OTOA: variants seen among roughly 807,000 people sequenced by gnomAD.
The protein encoded by OTOA is otoancorin.
A neutral mutation model predicts 110.8 loss-of-function variants in OTOA; 70 were observed. The observed-to-expected ratio is 0.63, with a 90% CI of 0.52 to 0.77. The LOEUF (loss-of-function observed/expected upper bound fraction) is 0.77. Among genes scored for constraint, OTOA ranks in the 30% least tolerant of loss-of-function variants. OTOA has a pLI of 0.00. For missense variants in OTOA, 917 were observed against 1,075.8 expected (o/e 0.85, Z 2.06); for synonymous variants, 373 against 431.5 (o/e 0.86, Z 1.68).
intron 1 of OTOA, among the ~76,000 whole-genome samples, chr16:21,668,019 G>A (rs972556333): frequency 6.6e-6 from 1 of 151,972 alleles, no homozygotes; most frequent in Non-Finnish European, 1.5e-5. Context: ...TATAACCACA[G>A]TTTCATTATC....
intron 9 of OTOA, among the ~76,000 whole-genome samples, chr16:21,692,927 C>CAAAAAAAAAAA (rs34170544): frequency 1.0e-5 from 1 of 97,038 alleles, no homozygotes; most frequent in Admixed American, 1.2e-4. Context: ...GACTCTGTCT[C>CAAAAAAAAAAA]AAAAAAAAAA....
At chr16:21,730,190 T>C (rs1230688209) in intron 20 of OTOA, 5 of 153,954 alleles carry the variant, frequency 3.2e-5, no homozygotes, top group African/African-American at 1.2e-4. Context: ...ACTGTAGGCA[T>C]TTATGATCTA....
chr16:21,679,294 G>GT (rs1966871486), intron 5 of OTOA, 83 bp downstream of exon 5: 1 of 1,431,676 alleles, frequency 7.0e-7, no homozygotes, highest in African/African-American at 1.4e-5. Context: ...ATTGTAAAAA[G>GT]TAATATGTGC....
chr16:21,697,736 A>G, intron 9 of OTOA, 39 bp from the exon 10 acceptor site: 2 of 1,559,192 alleles, frequency 1.3e-6, no homozygotes, highest in African/African-American at 1.4e-5. Flanking sequence ...GCTTTTATTT[A>G]TGTATGTACT....
intron 6 of OTOA, chr16:21,684,571 G>A: frequency 6.5e-7 from 1 of 1,537,114 alleles, no homozygotes; most frequent in Non-Finnish European, 8.8e-7. Flanking sequence ...TGGAATGGGG[G>A]AATCGGGCTG....
intron 24 of OTOA, among the ~76,000 whole-genome samples, chr16:21,749,982 G>A (rs1192030174): frequency 6.7e-6 from 1 of 149,346 alleles, no homozygotes; most frequent in East Asian, 2.0e-4. Context: ...ACCGTGCCCA[G>A]CCCAGACTTT....
intron 28 of OTOA, 42 bp from the exon 29 acceptor site, chr16:21,760,428 G>A (rs764083734): frequency 1.7e-5 from 24 of 1,390,012 alleles, no homozygotes; most frequent in Non-Finnish European, 2.0e-5. Context: ...TCTGCTTGCT[G>A]CCAGAACTTC....
chr16:21,677,949 C>A (rs918462623), intron 1 of OTOA, among the ~76,000 whole-genome samples: 1 of 151,758 alleles, frequency 6.6e-6, no homozygotes, highest in Admixed American at 6.6e-5. Flanking sequence ...TGCAGTGGCA[C>A]AATCTTGGCT....
In OTOA at chr16:21,712,682, TA is replaced by T. The variant is rs370244136; in HGVS notation, c.1321-2290del. Among the ~76,000 whole-genome samples the T allele has an allele frequency of 5.2e-4, 76 of 145,214 alleles. No homozygotes were observed. The East Asian group carries it at 5.8e-3, about 11-fold the overall frequency. On this transcript the variant is annotated intron_variant, in intron 13 of 28. Transcript: ENST00000646100. ...GGTGAAACCATGTCTCTACTAAAAA[TA>T]AAAAAAAAAAAATTAGCTGGGCATG...
At chr16:21,728,135 G>C (rs1898982903) in intron 19 of OTOA, 106 bp from the exon 20 acceptor site, 4 of 1,410,850 alleles carry the variant, frequency 2.8e-6, no homozygotes, top group Middle Eastern at 1.8e-4. Flanking sequence ...AGAGTGCTGG[G>C]ATTATAGGCA....
At chr16:21,715,723 G>A (rs1898532685) in intron 14 of OTOA, among the ~76,000 whole-genome samples, 1 of 152,040 alleles carries the variant, frequency 6.6e-6, no homozygotes, top group Admixed American at 6.6e-5. Context: ...TTGCTATGTT[G>A]CCCAGGCTGG....
In OTOA at chr16:21,685,348, A is replaced by G; in HGVS notation, c.386A>G (p.Lys129Arg). The part of the protein sequence containing the change: ...RTAMKCLLED[K>R]KDGLDLKDII... ...GCCATGAAATGCCTCTTAGAAGACA[A>G]GAAGGACGGCTTGGTGAGGAGCCCT... The change falls in exon 7 of 29, where the codon AAG (lysine) becomes AGG (arginine). Residue 129 changes from lysine to arginine, a missense_variant. Coordinates refer to ENST00000646100, the MANE Select transcript of OTOA (RefSeq NM_144672.4). 6.2e-7 allele frequency: 1 copy of G among 1,611,840 alleles called. No homozygotes were observed. Among genetic ancestry groups the G allele is most frequent in the Non-Finnish European group, 8.5e-7 (1 of 1,178,516 alleles).
chr16:21,711,024 A>G (rs1175955007), intron 13 of OTOA, among the ~76,000 whole-genome samples: 3 of 152,010 alleles, frequency 2.0e-5, no homozygotes, highest in Non-Finnish European at 2.9e-5. Context: ...AACAACAACA[A>G]CAACAAATCA....
In OTOA at chr16:21,719,477, CA is replaced by C. The variant is rs1898661792; in HGVS notation, c.1781del (p.Asn594ThrfsTer50). 6.2e-7 allele frequency: 1 copy of C among 1,614,004 alleles called. No individual in the cohort carries two copies. ...TGGCCCATTTCCAGGATTTTCAGAA[CA>C]ACTTCGCCCTGCTTTCACCCTATCA... The part of the protein sequence containing the change: ...FLAHFQDFQN[N>X]FALLSPYQVN... On this transcript the variant is annotated frameshift_variant, in exon 17 of 29. Coordinates refer to ENST00000646100, the MANE Select transcript of OTOA (RefSeq NM_144672.4). LOFTEE classifies it high-confidence loss of function.
In OTOA at chr16:21,687,445, G is replaced by A. The variant is rs1397374053; in HGVS notation, c.432G>A (p.Glu144=). ...DLKDIIIDLG[E]IRERALQSPG... is the part of the protein sequence containing the mutation. ...AAGACATCATCATCGACTTAGGAGAGATTCGAGAACGAGCCTTGCAGAGCC... is the reference window on the plus strand; with the variant it reads ...AAGACATCATCATCGACTTAGGAGAAATTCGAGAACGAGCCTTGCAGAGCC... The change falls in exon 8 of 29, where the codon GAG becomes GAA. Residue 144 remains glutamate (E), a synonymous_variant. Transcript: ENST00000646100. 2.5e-6 allele frequency: 4 copies of A among 1,614,064 alleles called. No homozygotes were observed. Among genetic ancestry groups the A allele is most frequent in the East Asian group, 4.5e-5 (2 of 44,876 alleles).
intron 24 of OTOA, chr16:21,748,791 ATGT>A (rs1276160125): frequency 1.3e-5 from 2 of 152,308 alleles, no homozygotes; most frequent in Non-Finnish European, 2.9e-5. Context: ...ACTCACTCAG[ATGT>A]TGTTTCATTC....
At chr16:21,728,171 A>T (rs892060360) in intron 19 of OTOA, 70 bp from the exon 20 acceptor site, 5 of 1,586,838 alleles carry the variant, frequency 3.2e-6, no homozygotes, top group East Asian at 4.5e-5. Flanking sequence ...ACCCCACAGG[A>T]TGTGTTTCTA....
chr16:21,716,829 G>A, intron 14 of OTOA, 78 bp from the exon 15 acceptor site: 2 of 1,560,270 alleles, frequency 1.3e-6, no homozygotes, highest in African/African-American at 1.4e-5. Flanking sequence ...TTTATTGCCT[G>A]TGATGTAGTG....
At chr16:21,702,450 A>T (rs1469040506) in intron 11 of OTOA, among the ~76,000 whole-genome samples, 1 of 152,118 alleles carries the variant, frequency 6.6e-6, no homozygotes, top group Non-Finnish European at 1.5e-5. Context: ...CACACACAAA[A>T]ATAGCCTCAT....
Sources: gnomAD v4.1 joint callset for allele counts (sites outside exome capture counted in the v4.1 genomes callset) on GRCh38, gnomAD v4.1.1 for gene constraint, MANE v1.5 for transcripts, NCBI Gene and HGNC (gene_info 2026-07-23, HGNC 2026-07-21) for gene names.